The following PTH2R variants were observed in gnomAD, a reference collection of about 807,000 sequenced individuals.
The protein encoded by PTH2R is PTH2 receptor.
A neutral mutation model predicts 60.3 loss-of-function variants in PTH2R; 59 were observed. That is an observed-to-expected ratio of 0.98 (90% CI 0.79 to 1.22). PTH2R has a LOEUF of 1.22. PTH2R is among the 50% of genes most tolerant of loss of function. The pLI is 0.00. For synonymous variants in PTH2R, 256 were observed against 243.8 expected (o/e 1.05, Z -0.47); for missense variants, 749 against 682.6 (o/e 1.10, Z -1.08).
chr2:208,380,756 C>A (rs1386310554), intron 1 of PTH2R, among the ~76,000 whole-genome samples: 1 of 152,094 alleles, frequency 6.6e-6, no homozygotes, highest in African/African-American at 2.4e-5. Flanking sequence ...ACTAGCTTTC[C>A]CCTGTGTGGG....
chr2:208,455,891 C>T, intron 8 of PTH2R, among the ~76,000 whole-genome samples: 1 of 152,072 alleles, frequency 6.6e-6, no homozygotes, highest in East Asian at 1.9e-4. Flanking sequence ...TTAAAAGATA[C>T]CTTAAACTCT....
chr2:208,443,232 C>T (rs967458925), intron 5 of PTH2R, 116 bp from the exon 6 acceptor site: 2 of 846,618 alleles, frequency 2.4e-6, no homozygotes, highest in Admixed American at 3.3e-5. Context: ...TGTGGAGTCT[C>T]GAACCAGTCC....
intron 1 of PTH2R, among the ~76,000 whole-genome samples, chr2:208,424,712 C>A (rs1490234708): frequency 6.6e-6 from 1 of 152,118 alleles, no homozygotes; most frequent in Non-Finnish European, 1.5e-5. Context: ...ATTTGAGCAA[C>A]AAGCCTGACC....
intron 1 of PTH2R, among the ~76,000 whole-genome samples, chr2:208,389,227 TACACACACACAC>T (rs71041306): frequency 0.043 from 6,093 of 142,634 alleles, 373 homozygotes; most frequent in African/African-American, 0.15. Context: ...AGGAAATGCA[TACACACACACAC>T]ACACACACAC....
chr2:208,452,473 A>G (rs961493315), intron 8 of PTH2R, among the ~76,000 whole-genome samples: 2 of 152,174 alleles, frequency 1.3e-5, no homozygotes, highest in African/African-American at 2.4e-5. Context: ...TCATCCTTCC[A>G]TTAATCCTAG....
chr2:208,442,305 TTTGCCAGTTTATTGGTAA>T, intron 4 of PTH2R, 41 bp from the exon 5 acceptor site: 1 of 1,230,070 alleles, frequency 8.1e-7, no homozygotes, highest in Non-Finnish European at 1.2e-6. Context: ...ATACTATTTC[TTTGCCAGTTTATTGGTAA>T]AATAGTCCCA....
At chr2:208,446,318 A>T (rs1702287447) in intron 7 of PTH2R, among the ~76,000 whole-genome samples, 1 of 152,180 alleles carries the variant, frequency 6.6e-6, no homozygotes, top group Admixed American at 6.5e-5. Flanking sequence ...TCTATGAAAA[A>T]GAGAATGTGA....
At chr2:208,403,797 C>T (rs1191156700), upstream of PTH2R, among the ~76,000 whole-genome samples, 2 of 152,266 alleles carry the variant, frequency 1.3e-5, no homozygotes, top group East Asian at 3.9e-4. Flanking sequence ...TGAGTTGCCA[C>T]TGGTTGTTGC....
intron 9 of PTH2R, chr2:208,466,325 C>G (rs1027262233): frequency 2.0e-5 from 3 of 152,552 alleles, no homozygotes; most frequent in African/African-American, 7.2e-5. Context: ...CTCGGTGTCT[C>G]CAGAGAGGCC....
intron 1 of PTH2R, among the ~76,000 whole-genome samples, chr2:208,400,800 A>T (rs1701293968): frequency 6.6e-6 from 1 of 152,176 alleles, no homozygotes; most frequent in Admixed American, 6.5e-5. Context: ...AATGTGATTT[A>T]TGTGCATTAT....
chr2:208,412,726 G>A (rs531556716), intron 1 of PTH2R, among the ~76,000 whole-genome samples: 1 of 152,238 alleles, frequency 6.6e-6, no homozygotes, highest in African/African-American at 2.4e-5. Context: ...AGAGTATAAG[G>A]TTTAGAGTTC....
In PTH2R at chr2:208,420,793, T is replaced by G. The variant is rs527301405; in HGVS notation, c.76-7408T>G. ...TCCCTCTGTCTTATGCAGATTCCATTGGTTTTATACATACTTGTGTGTGTG... is the reference window on the plus strand; with the variant it reads ...TCCCTCTGTCTTATGCAGATTCCATGGGTTTTATACATACTTGTGTGTGTG... On this transcript the variant is annotated intron_variant, in intron 1 of 12. Coordinates refer to ENST00000272847, the MANE Select transcript of PTH2R (RefSeq NM_005048.4). 1.2e-4 allele frequency among the ~76,000 whole-genome samples: 18 copies of G among 152,308 alleles called. 1 individual carries two copies. In the South Asian group the frequency reaches 3.5e-3, roughly 30 times the overall value.
At chr2:208,485,758 A>G (rs748649574) in intron 10 of PTH2R, among the ~76,000 whole-genome samples, 1 of 152,126 alleles carries the variant, frequency 6.6e-6, no homozygotes, top group Non-Finnish European at 1.5e-5. Context: ...TGCTCCCCCA[A>G]TACCCTTCGC....
At chr2:208,364,254 G>A (rs746064597) in intron 1 of PTH2R, among the ~76,000 whole-genome samples, 13 of 151,890 alleles carry the variant, frequency 8.6e-5, no homozygotes, top group Non-Finnish European at 1.8e-4. Flanking sequence ...TTTTTTGGTT[G>A]CCTGTGATTT....
intron 10 of PTH2R, among the ~76,000 whole-genome samples, chr2:208,487,354 A>G (rs571194668): frequency 2.5e-4 from 38 of 152,330 alleles, no homozygotes; most frequent in African/African-American, 8.9e-4. Flanking sequence ...AGAAAAACAG[A>G]TAAATAAAGC....
exon 1 of PTH2R, chr2:208,359,770 C>T (rs572803061): frequency 1.3e-5 from 2 of 155,102 alleles, no homozygotes; most frequent in Non-Finnish European, 2.9e-5. Context: ...CCCACAGGAA[C>T]TCACACCTGT....
At chr2:208,370,808 C>G (rs1415981711) in intron 1 of PTH2R, among the ~76,000 whole-genome samples, 1 of 151,950 alleles carries the variant, frequency 6.6e-6, no homozygotes, top group Non-Finnish European at 1.5e-5. Context: ...GAAGAGATAC[C>G]TGGAGGCTGG....
At chr2:208,424,962 C>T (rs1341499277) in intron 1 of PTH2R, among the ~76,000 whole-genome samples, 1 of 152,032 alleles carries the variant, frequency 6.6e-6, no homozygotes, top group Admixed American at 6.6e-5. Flanking sequence ...AACCAAGAGG[C>T]CAAGCCTGAG....
At chr2:208,409,255 A>G (rs2105833813) in intron 1 of PTH2R, among the ~76,000 whole-genome samples, 1 of 152,332 alleles carries the variant, frequency 6.6e-6, no homozygotes, top group Non-Finnish European at 1.5e-5. Context: ...TATGACCTTC[A>G]GTTTCTTCAT....
Sources: allele counts gnomAD v4.1 joint callset (sites outside exome capture counted in the v4.1 genomes callset), GRCh38; gene constraint gnomAD v4.1.1; transcripts MANE v1.5; gene names NCBI Gene and HGNC (gene_info 2026-07-23, HGNC 2026-07-21).